The following PIP5K1B variants were observed in gnomAD, a reference collection of about 807,000 sequenced individuals.
PIP5K1B encodes the protein phosphatidylinositol 4-phosphate 5-kinase type-1 beta.
Under a neutral mutation model 67.0 loss-of-function variants are expected in PIP5K1B, and 42 were observed. The observed-to-expected ratio is 0.63, with a 90% CI of 0.49 to 0.81. The LOEUF (loss-of-function observed/expected upper bound fraction) is 0.81, where lower values mean the gene tolerates loss of function less well. Ranked by LOEUF, PIP5K1B falls within the 30% of genes least tolerant of loss-of-function variation. The pLI, the probability that PIP5K1B is intolerant of heterozygous loss-of-function variation, is 0.00. For synonymous variants in PIP5K1B, 214 were observed against 231.4 expected, an observed-to-expected ratio of 0.92 and a Z score of 0.68; for missense variants, 459 against 646.3, an observed-to-expected ratio of 0.71 and a Z score of 3.14.
At chr9:68,713,441 A>G (rs529933193) in intron 1 of PIP5K1B, among the ~76,000 whole-genome samples, 2 of 152,292 alleles carry the variant, frequency 1.3e-5, no homozygotes, top group East Asian at 1.9e-4. Flanking sequence ...GATGAACTCT[A>G]TGGATGGAGG....
chr9:68,709,148 A>G (rs1827263161), intron 1 of PIP5K1B, among the ~76,000 whole-genome samples: 1 of 152,206 alleles, frequency 6.6e-6, no homozygotes, highest in Admixed American at 6.5e-5. Flanking sequence ...TCATTATTAG[A>G]GAGTTAGTAC....
intron 2 of PIP5K1B, among the ~76,000 whole-genome samples, chr9:68,766,108 G>A (rs1005647215): frequency 6.6e-6 from 1 of 152,118 alleles, no homozygotes; most frequent in African/African-American, 2.4e-5. Context: ...TGTAGGAAAA[G>A]ATGGCATAAT....
At chr9:68,723,031 C>A (rs771235754) in intron 1 of PIP5K1B, among the ~76,000 whole-genome samples, 1 of 152,116 alleles carries the variant, frequency 6.6e-6, no homozygotes, top group African/African-American at 2.4e-5. Flanking sequence ...CTCCCACATA[C>A]GAGTGAGAAC....
Position 68,900,354 on chromosome 9 carries a change from C to T in PIP5K1B, c.771+5716C>T, listed in dbSNP as rs140985422. Among the ~76,000 whole-genome samples, 346 of 152,250 alleles carry T rather than the reference C, an allele frequency of 2.3e-3. 2 individuals carry two copies. Among genetic ancestry groups the T allele is most frequent in the African/African-American group, 8.0e-3 (334 of 41,546 alleles). On this transcript the variant is annotated intron_variant, in intron 8 of 15. Coordinates refer to ENST00000265382, the MANE Select transcript of PIP5K1B (RefSeq NM_003558.4). Reference sequence around the variant, plus strand: ...CAGCACCTGGCTTATTCTATACACTCAGTACATGTTGCAAGATTGTGATTG... The same window carrying T: ...CAGCACCTGGCTTATTCTATACACTTAGTACATGTTGCAAGATTGTGATTG...
chr9:68,884,292 C>T (rs1824344098), intron 6 of PIP5K1B, among the ~76,000 whole-genome samples: 1 of 150,644 alleles, frequency 6.6e-6, no homozygotes, highest in African/African-American at 2.4e-5. Context: ...ACTCAAACTA[C>T]TCAATAACAA....
chr9:68,744,230 T>C (rs546235522), intron 2 of PIP5K1B, among the ~76,000 whole-genome samples: 1 of 152,174 alleles, frequency 6.6e-6, no homozygotes, highest in Non-Finnish European at 1.5e-5. Flanking sequence ...CTGGGCCTCA[T>C]TTTTGGAAAG....
intron 2 of PIP5K1B, among the ~76,000 whole-genome samples, chr9:68,809,223 G>T (rs1489066326): frequency 5.9e-5 from 9 of 151,766 alleles, no homozygotes; most frequent in African/African-American, 2.2e-4. Context: ...TTTTTTTGTT[G>T]TTTAAGCCTC....
chr9:68,709,646 G>C (rs1294620919), intron 1 of PIP5K1B, among the ~76,000 whole-genome samples: 1 of 152,142 alleles, frequency 6.6e-6, no homozygotes, highest in Non-Finnish European at 1.5e-5. Flanking sequence ...TGTTCAAATA[G>C]AAACCAAAGA....
intron 4 of PIP5K1B, among the ~76,000 whole-genome samples, chr9:68,846,710 G>A (rs1333299310): frequency 6.6e-6 from 1 of 152,086 alleles, no homozygotes; most frequent in Non-Finnish European, 1.5e-5. Context: ...TTGGATCCCT[G>A]AGCTTTGCTT....
chr9:68,880,018 A>G (rs1463762214), intron 6 of PIP5K1B, among the ~76,000 whole-genome samples: 1 of 152,292 alleles, frequency 6.6e-6, no homozygotes, highest in Non-Finnish European at 1.5e-5. Flanking sequence ...AAACGGGTGA[A>G]TTGAATGCTA....
chr9:68,902,346 G>A (rs932547312), intron 8 of PIP5K1B, among the ~76,000 whole-genome samples: 1 of 152,070 alleles, frequency 6.6e-6, no homozygotes, highest in African/African-American at 2.4e-5. Context: ...CGAGAATGCT[G>A]TATAAATGGA....
intron 14 of PIP5K1B, among the ~76,000 whole-genome samples, chr9:68,969,385 A>C (rs7043153): frequency 0.22 from 31,879 of 148,190 alleles, 4,327 homozygotes; most frequent in East Asian, 0.52. Context: ...AAAAAAAAAA[A>C]AAAACTGTAA....
At chr9:68,721,769 G>C (rs1169595934) in intron 1 of PIP5K1B, among the ~76,000 whole-genome samples, 2 of 152,162 alleles carry the variant, frequency 1.3e-5, no homozygotes, top group Non-Finnish European at 1.5e-5. Context: ...TGAAGACACA[G>C]TATTATGAGC....
intron 7 of PIP5K1B, among the ~76,000 whole-genome samples, chr9:68,892,767 A>G (rs7048262): frequency 0.86 from 130,629 of 152,194 alleles, 56,875 homozygotes; most frequent in Non-Finnish European, 0.93. Context: ...AAACATGACC[A>G]CATCAAAAGG....
intron 2 of PIP5K1B, among the ~76,000 whole-genome samples, chr9:68,770,842 G>A (rs1437324076): frequency 6.6e-6 from 1 of 152,154 alleles, no homozygotes; most frequent in Non-Finnish European, 1.5e-5. Flanking sequence ...GTGGGTTTGG[G>A]GTAGAACTGA....
Position 68,826,803 on chromosome 9 carries a change from G to C in PIP5K1B, c.69+4120G>C, listed in dbSNP as rs1834009556. Among the ~76,000 whole-genome samples the C allele has an allele frequency of 3.3e-5, 5 of 152,180 alleles. No individual in the cohort carries two copies. In the South Asian group the frequency reaches 1.0e-3, roughly 32 times the overall value. On this transcript the variant is annotated intron_variant, in intron 4 of 15. Transcript: ENST00000265382. ...GTCTCACTCTATCGCCCAGGCTGGAGTGCAGTGGCACAATCTTGGCTCACT... is the reference window on the plus strand; with the variant it reads ...GTCTCACTCTATCGCCCAGGCTGGACTGCAGTGGCACAATCTTGGCTCACT...
chr9:68,862,554 G>T (rs1370346446), intron 4 of PIP5K1B, among the ~76,000 whole-genome samples: 3 of 152,110 alleles, frequency 2.0e-5, no homozygotes, highest in Non-Finnish European at 4.4e-5. Context: ...AGCACTTTGG[G>T]GCTGAGGTGG....
intron 1 of PIP5K1B, among the ~76,000 whole-genome samples, chr9:68,730,312 G>T (rs1431763144): frequency 6.6e-6 from 1 of 152,122 alleles, no homozygotes; most frequent in Non-Finnish European, 1.5e-5. Context: ...AATATCCAGG[G>T]TCAACAAGAT....
chr9:68,736,780 T>A (rs1828760534), intron 1 of PIP5K1B, among the ~76,000 whole-genome samples: 2 of 152,246 alleles, frequency 1.3e-5, no homozygotes, highest in Admixed American at 1.3e-4. Flanking sequence ...TTTGGGTGCA[T>A]TTGGATAATC....
Sources: gnomAD v4.1 joint callset for allele counts (sites outside exome capture counted in the v4.1 genomes callset) on GRCh38, gnomAD v4.1.1 for gene constraint, MANE v1.5 for transcripts, NCBI Gene and HGNC (gene_info 2026-07-23, HGNC 2026-07-21) for gene names.